Variants in CLIP4 observed in about 807,000 individuals in gnomAD.
CLIP4 encodes CAP-Gly domain containing linker protein family member 4.
In CLIP4, 47 loss-of-function variants were observed where a neutral mutation model predicts 73.1. The observed-to-expected ratio is 0.64, with a 90% CI of 0.51 to 0.82. The LOEUF is 0.82. CLIP4 is among the 40% of genes least tolerant of loss of function. The probability of loss-of-function intolerance (pLI) is 0.00; values close to 1 mark genes in which losing one functional copy is unlikely to be tolerated. For synonymous variants in CLIP4, 306 were observed against 295.4 expected (o/e 1.04, Z -0.37); for missense variants, 874 against 852.9 (o/e 1.02, Z -0.31).
chr2:29,167,193 T>G (rs976782202), intron 13 of CLIP4, among the ~76,000 whole-genome samples: 1 of 152,226 alleles, frequency 6.6e-6, no homozygotes, highest in African/African-American at 2.4e-5. Flanking sequence ...TTTTTTAGTT[T>G]CACCTTTGAA....
intron 1 of CLIP4, among the ~76,000 whole-genome samples, chr2:29,120,213 G>C (rs937446275): frequency 6.6e-6 from 1 of 152,104 alleles, no homozygotes; most frequent in Non-Finnish European, 1.5e-5. Flanking sequence ...AACTGGATTA[G>C]GTTACCTAAT....
chr2:29,132,325 G>A, intron 4 of CLIP4, 80 bp downstream of exon 4: 1 of 1,173,342 alleles, frequency 8.5e-7, no homozygotes, highest in Non-Finnish European at 1.3e-6. Flanking sequence ...CCCATATATT[G>A]TCTGGGGGAA....
rs1168009081 is a variant in CLIP4, at chr2:29,160,220, T to G, written c.1400-113T>G. 5 of 1,278,328 alleles carry G rather than the reference T, an allele frequency of 3.9e-6. No homozygotes were observed. The Admixed American group carries it at 9.3e-5, about 24-fold the overall frequency. 79.2% of individuals were successfully genotyped at this position (1,278,328 alleles called of 1,614,324 possible). The stretch of plus-strand genomic sequence containing the variant: ...TATCAAAATCACCAACTAACTAGAC[T>G]AGTTAGAATACCTAGTGTGATTTTT... On this transcript the variant is annotated intron_variant, in intron 11 of 15. Transcript: ENST00000320081.
chr2:29,157,636 A>G (rs1266041129), intron 11 of CLIP4, among the ~76,000 whole-genome samples: 8 of 152,172 alleles, frequency 5.3e-5, no homozygotes, highest in African/African-American at 1.7e-4. Context: ...TTTAAAAAGC[A>G]TGCTTTCTGT....
At chr2:29,116,671 A>G (rs1245356224) in intron 1 of CLIP4, among the ~76,000 whole-genome samples, 2 of 152,220 alleles carry the variant, frequency 1.3e-5, no homozygotes, top group African/African-American at 4.8e-5. Flanking sequence ...TTGGAGAACC[A>G]TCCTGGTTCC....
At position 29,179,503 on chromosome 2, in the gene CLIP4, C is replaced by T. The variant is rs149124707; in HGVS notation, c.1797-2069C>T. ...ATCTGAGCCTCATCTTTGCTCTTTTCATCTCTCTGACCTTAGGCACATAGC... is the reference window on the plus strand; with the variant it reads ...ATCTGAGCCTCATCTTTGCTCTTTTTATCTCTCTGACCTTAGGCACATAGC... On this transcript the variant is annotated intron_variant, in intron 15 of 15. Coordinates refer to ENST00000320081, the MANE Select transcript of CLIP4 (RefSeq NM_024692.6). Among the ~76,000 whole-genome samples, 1,517 of 152,316 alleles carry T rather than the reference C, an allele frequency of 1.0e-2. 26 individuals carry two copies. The highest frequency in any genetic ancestry group is 0.035 in the African/African-American group (1,441 of 41,572).
chr2:29,140,490 T>C lies in CLIP4; in HGVS notation c.649-3219T>C, dbSNP rs186199213. ...AATCCAGTCTATCATTGTCAGACATTTGGGTTGGTTCCAAGTCTTTGCTAT... is the reference window on the plus strand; with the variant it reads ...AATCCAGTCTATCATTGTCAGACATCTGGGTTGGTTCCAAGTCTTTGCTAT... On this transcript the variant is annotated intron_variant, in intron 6 of 15. Coordinates refer to ENST00000320081, the MANE Select transcript of CLIP4 (RefSeq NM_024692.6). Among the ~76,000 whole-genome samples the C allele has an allele frequency of 2.2e-4, 33 of 152,330 alleles. No homozygotes were observed. The East Asian group carries it at 3.9e-3, about 18-fold the overall frequency.
intron 5 of CLIP4, 66 bp downstream of exon 5, chr2:29,133,882 T>C (rs368285922): frequency 1.5e-6 from 2 of 1,344,694 alleles, no homozygotes; most frequent in South Asian, 1.6e-5. Flanking sequence ...ATAAAAATTA[T>C]AATTCAAGGA....
At chr2:29,155,405 TACACACACAC>T (rs10602734) in intron 9 of CLIP4, among the ~76,000 whole-genome samples, 2 of 151,014 alleles carry the variant, frequency 1.3e-5, no homozygotes, top group Admixed American at 6.6e-5. Flanking sequence ...CCCAAGTGTA[TACACACACAC>T]ACACACACAC....
At chr2:29,127,974 T>C (rs1664720788) in intron 2 of CLIP4, among the ~76,000 whole-genome samples, 1 of 152,172 alleles carries the variant, frequency 6.6e-6, no homozygotes, top group Admixed American at 6.5e-5. Context: ...ATCCAATTTC[T>C]AGGAATTTCA....
chr2:29,139,794 T>C (rs1665632298), intron 6 of CLIP4, among the ~76,000 whole-genome samples: 1 of 152,154 alleles, frequency 6.6e-6, no homozygotes, highest in African/African-American at 2.4e-5. Context: ...GTATTCACAG[T>C]AGTTGCTGAG....
chr2:29,132,298 G>T, intron 4 of CLIP4, 53 bp downstream of exon 4: 1 of 1,401,076 alleles, frequency 7.1e-7, no homozygotes, highest in South Asian at 1.2e-5. Flanking sequence ...CTTGTGCTTA[G>T]ATAATCTATA....
At chr2:29,135,893 T>A (rs1242842246) in intron 6 of CLIP4, among the ~76,000 whole-genome samples, 1 of 152,164 alleles carries the variant, frequency 6.6e-6, no homozygotes, top group Non-Finnish European at 1.5e-5. Context: ...GAAAGTAAAG[T>A]CTTCCTTTAA....
At chr2:29,175,448 A>C (rs1668269071) in intron 15 of CLIP4, 1 of 152,204 alleles carries the variant, frequency 6.6e-6, no homozygotes, top group Non-Finnish European at 1.5e-5. Context: ...GGCAGAATGG[A>C]AGAAGCTGCT....
At chr2:29,138,233 G>A (rs1665511320) in intron 6 of CLIP4, among the ~76,000 whole-genome samples, 2 of 152,078 alleles carry the variant, frequency 1.3e-5, no homozygotes, top group Non-Finnish European at 2.9e-5. Context: ...TGGCTAGCCA[G>A]TTTTCCCAGC....
At chr2:29,108,061 T>C (rs2148439179) in intron 1 of CLIP4, among the ~76,000 whole-genome samples, 1 of 152,088 alleles carries the variant, frequency 6.6e-6, no homozygotes. Context: ...GAAAGAATAA[T>C]ATACAGTAGT....
chr2:29,120,201 A>G (rs759489626), intron 1 of CLIP4, among the ~76,000 whole-genome samples: 6 of 152,188 alleles, frequency 3.9e-5, no homozygotes, highest in Non-Finnish European at 7.4e-5. Context: ...TAAAATAGTA[A>G]CAACTGGATT....
intron 8 of CLIP4, among the ~76,000 whole-genome samples, chr2:29,146,010 A>G (rs1246752407): frequency 1.3e-5 from 2 of 152,186 alleles, no homozygotes; most frequent in South Asian, 4.1e-4. Context: ...CCATGATGGA[A>G]AGGTTTAGGA....
chr2:29,145,172 G>GT, intron 7 of CLIP4, 60 bp from the exon 8 acceptor site: 1 of 1,485,966 alleles, frequency 6.7e-7, no homozygotes, highest in Non-Finnish European at 9.2e-7. Flanking sequence ...AGTTGCAAGA[G>GT]TAGGACCCTT....
Sources: allele counts gnomAD v4.1 joint callset (sites outside exome capture counted in the v4.1 genomes callset), GRCh38; gene constraint gnomAD v4.1.1; transcripts MANE v1.5; gene names NCBI Gene and HGNC (gene_info 2026-07-23, HGNC 2026-07-21).